The following CTNNA3 variants were observed in gnomAD, a reference collection of about 807,000 sequenced individuals.
CTNNA3 encodes the protein catenin alpha 3.
CTNNA3 carries 76 observed loss-of-function variants against 95.7 expected under a neutral mutation model. That is an observed-to-expected ratio of 0.79 (90% confidence interval 0.66 to 0.96). The LOEUF is 0.96. CTNNA3 is among the 40% of genes least tolerant of loss of function. The pLI is 0.00. For missense variants in CTNNA3, 1,191 were observed against 1,089.8 expected (o/e 1.09, Z -1.31); for synonymous variants, 431 against 374.4 (o/e 1.15, Z -1.74).
intron 13 of CTNNA3, among the ~76,000 whole-genome samples, chr10:66,250,367 C>T (rs1331434435): frequency 6.6e-6 from 1 of 152,082 alleles, no homozygotes; most frequent in Admixed American, 6.6e-5. Flanking sequence ...GATAGCATGA[C>T]AGAGTAACTA....
chr10:66,738,127 C>T (rs1849207600), intron 9 of CTNNA3, among the ~76,000 whole-genome samples: 2 of 152,172 alleles, frequency 1.3e-5, no homozygotes, highest in Non-Finnish European at 2.9e-5. Flanking sequence ...CTTATTAGTT[C>T]TATAATAGCT....
chr10:66,846,699 G>C (rs1337264585), intron 7 of CTNNA3, among the ~76,000 whole-genome samples: 1 of 151,932 alleles, frequency 6.6e-6, no homozygotes, highest in African/African-American at 2.4e-5. Flanking sequence ...TCTCTTTTTA[G>C]GAATGGATTT....
In CTNNA3 at chr10:65,914,207, G is replaced by A. The variant is rs911111358; in HGVS notation, c.*6123C>T. ...GTTAGAAATCTGAGCCTTTTTGAAA[G>A]AGAATTTTCTCCTTGAGGGCTTTCC... On this transcript the variant is annotated 3_prime_UTR_variant, in exon 18 of 18. Coordinates refer to ENST00000433211, the MANE Select transcript of CTNNA3 (RefSeq NM_013266.4). 3.9e-5 allele frequency: 6 copies of A among 152,094 alleles called. No homozygotes were observed. The highest frequency in any genetic ancestry group is 8.8e-5 in the Non-Finnish European group (6 of 67,994). The allele number at this position is 152,094 out of a possible 1,614,324, so 9.4% of individuals were successfully genotyped here. A position where few individuals can be genotyped will look rare whatever the true frequency, so the allele number is the denominator to read the frequency against.
chr10:66,749,970 G>A (rs1246901021), intron 9 of CTNNA3, among the ~76,000 whole-genome samples: 1 of 152,138 alleles, frequency 6.6e-6, no homozygotes, highest in African/African-American at 2.4e-5. Flanking sequence ...GATATATGAT[G>A]TTGAACATCT....
chr10:66,662,682 C>T (rs1236996544), intron 9 of CTNNA3, among the ~76,000 whole-genome samples: 2 of 152,044 alleles, frequency 1.3e-5, no homozygotes, highest in Non-Finnish European at 2.9e-5. Context: ...ATTTCTACTA[C>T]AATTGTTGTC....
intron 7 of CTNNA3, among the ~76,000 whole-genome samples, chr10:66,857,312 G>A (rs1843720193): frequency 6.6e-6 from 1 of 151,540 alleles, no homozygotes; most frequent in Admixed American, 6.6e-5. Flanking sequence ...CAGCCTTGTG[G>A]TATAATTTGA....
intron 13 of CTNNA3, among the ~76,000 whole-genome samples, chr10:66,134,723 G>A (rs7895803): frequency 0.49 from 74,460 of 151,876 alleles, 18,470 homozygotes; most frequent in African/African-American, 0.57. Flanking sequence ...GCAAGCATGC[G>A]TTTGTATCTG....
At chr10:66,061,548 C>T (rs971099245) in intron 15 of CTNNA3, among the ~76,000 whole-genome samples, 2 of 152,042 alleles carry the variant, frequency 1.3e-5, no homozygotes, top group Non-Finnish European at 2.9e-5. Context: ...TGATCATAAT[C>T]CTTCAGTTGT....
chr10:66,452,599 C>A (rs12415132), intron 11 of CTNNA3, among the ~76,000 whole-genome samples: 9,322 of 152,128 alleles, frequency 0.061, 576 homozygotes, highest in East Asian at 0.24. Context: ...CTTTGTAAAA[C>A]TAACAAAGTA....
chr10:66,402,925 T>A (rs2093031298), intron 11 of CTNNA3, among the ~76,000 whole-genome samples: 1 of 152,042 alleles, frequency 6.6e-6, no homozygotes, highest in Non-Finnish European at 1.5e-5. Context: ...TTGTTCCAAG[T>A]TTTTTCCCGA....
At chr10:67,165,931 T>C (rs552576186) in intron 7 of CTNNA3, among the ~76,000 whole-genome samples, 1 of 152,348 alleles carries the variant, frequency 6.6e-6, no homozygotes, top group Non-Finnish European at 1.5e-5. Flanking sequence ...GTGATTATCA[T>C]ATCTCTGCTA....
intron 10 of CTNNA3, among the ~76,000 whole-genome samples, chr10:66,574,969 GAA>G (rs1350506851): frequency 6.6e-6 from 1 of 152,032 alleles, no homozygotes; most frequent in Admixed American, 6.6e-5. Context: ...CAAGAACCTA[GAA>G]AAAATGGTAA....
intron 15 of CTNNA3, among the ~76,000 whole-genome samples, chr10:66,060,881 T>C (rs2080181775): frequency 6.6e-6 from 1 of 152,134 alleles, no homozygotes; most frequent in Non-Finnish European, 1.5e-5. Flanking sequence ...AAGGTCCCAG[T>C]CACCCCATCC....
intron 10 of CTNNA3, among the ~76,000 whole-genome samples, chr10:66,612,393 T>C (rs116881372): frequency 0.024 from 3,664 of 152,212 alleles, 89 homozygotes; most frequent in South Asian, 0.066. Flanking sequence ...CTGTAGTAAC[T>C]AAACCAAATC....
At chr10:67,617,871 C>T (rs1025624848) in intron 2 of CTNNA3, among the ~76,000 whole-genome samples, 3 of 151,118 alleles carry the variant, frequency 2.0e-5, no homozygotes, top group African/African-American at 7.3e-5. Context: ...TGATGTTGAG[C>T]TTTTTCTCAT....
At chr10:66,873,163 G>A (rs1259452211) in intron 7 of CTNNA3, among the ~76,000 whole-genome samples, 3 of 152,142 alleles carry the variant, frequency 2.0e-5, no homozygotes, top group Non-Finnish European at 4.4e-5. Context: ...ACAGAGGAGT[G>A]CACGTATGTT....
rs1212915698 is a variant in CTNNA3 at position 66,520,650 on chromosome 10, T to C, written c.1498A>G (p.Ile500Val). 1 of 1,610,480 alleles carries C rather than the reference T, an allele frequency of 6.2e-7. No homozygotes were observed. The highest frequency in any genetic ancestry group is 1.1e-5 in the South Asian group (1 of 90,576). Residue 500 changes from isoleucine (I) to valine (V), a missense_variant, in exon 11 of 18, where the codon ATT becomes GTT. By Grantham distance (29) the Ile-to-Val change is conservative. Transcript: ENST00000433211. Reference protein sequence around the residue: ...IHVLTEAVDDITSIDDFLAVS... With the variant: ...IHVLTEAVDDVTSIDDFLAVS... Reference sequence around the variant, plus strand: ...GCAAGGAAGTCATCAATGCTTGTAATGTCATCTACGGCTTCAGTGAGGACA... The same window carrying C: ...GCAAGGAAGTCATCAATGCTTGTAACGTCATCTACGGCTTCAGTGAGGACA...
intron 10 of CTNNA3, among the ~76,000 whole-genome samples, chr10:66,575,955 G>A (rs769547949): frequency 6.6e-5 from 10 of 152,060 alleles, no homozygotes; most frequent in Non-Finnish European, 1.2e-4. Context: ...GAAAATAACT[G>A]TGTGTTTGGC....
chr10:66,450,819 T>C (rs934814848), intron 11 of CTNNA3, among the ~76,000 whole-genome samples: 8 of 152,152 alleles, frequency 5.3e-5, no homozygotes, highest in Admixed American at 3.9e-4. Context: ...AATAGATTTG[T>C]AAAGATTTCT....
Sources: gnomAD v4.1 joint callset for allele counts (sites outside exome capture counted in the v4.1 genomes callset) on GRCh38, gnomAD v4.1.1 for gene constraint, MANE v1.5 for transcripts, NCBI Gene and HGNC (gene_info 2026-07-23, HGNC 2026-07-21) for gene names.